TRABD2B: variants seen among roughly 807,000 people sequenced by gnomAD.
The protein encoded by TRABD2B is TraB domain containing 2B.
TRABD2B carries 14 observed loss-of-function variants against 40.1 expected under a neutral mutation model. The observed-to-expected ratio is 0.35, with a 90% CI of 0.23 to 0.55. The LOEUF is 0.55. TRABD2B is among the 20% of genes least tolerant of loss of function. TRABD2B has a pLI of 0.90. For synonymous variants in TRABD2B, 263 were observed against 277.0 expected, an observed-to-expected ratio of 0.95 and a Z score of 0.50; for missense variants, 541 against 648.6, an observed-to-expected ratio of 0.83 and a Z score of 1.80.
chr1:47,814,998 C>A (rs1645012020), intron 2 of TRABD2B, among the ~76,000 whole-genome samples: 1 of 152,282 alleles, frequency 6.6e-6, no homozygotes, highest in South Asian at 2.1e-4. Context: ...AGAGAGAACA[C>A]TGAGCCCCAG....
chr1:47,938,995 G>A (rs1434210270), intron 2 of TRABD2B, among the ~76,000 whole-genome samples: 1 of 152,044 alleles, frequency 6.6e-6, no homozygotes, highest in Non-Finnish European at 1.5e-5. Flanking sequence ...TGAATTAGGA[G>A]GAAGAAACAG....
chr1:47,988,833 T>C (rs1390379040), intron 2 of TRABD2B, among the ~76,000 whole-genome samples: 2 of 152,164 alleles, frequency 1.3e-5, no homozygotes, highest in Non-Finnish European at 2.9e-5. Context: ...TGGCCCAAAG[T>C]CACAGGCAAG....
chr1:47,799,629 C>T (rs1175447958), intron 3 of TRABD2B, among the ~76,000 whole-genome samples: 1 of 152,126 alleles, frequency 6.6e-6, no homozygotes, highest in Non-Finnish European at 1.5e-5. Context: ...AGCTCCTGGT[C>T]GTGTGGGGGC....
chr1:47,793,001 C>T (rs1256923279), intron 4 of TRABD2B, among the ~76,000 whole-genome samples: 1 of 151,970 alleles, frequency 6.6e-6, no homozygotes, highest in African/African-American at 2.4e-5. Context: ...GGGACTCTTC[C>T]CTGCACAGTC....
intron 2 of TRABD2B, among the ~76,000 whole-genome samples, chr1:47,872,297 G>A (rs576468800): frequency 6.6e-6 from 1 of 152,284 alleles, no homozygotes; most frequent in East Asian, 1.9e-4. Flanking sequence ...TTGCAAGTCT[G>A]GCTGTTGTGG....
At chr1:47,806,222 C>G (rs972553003) in intron 2 of TRABD2B, among the ~76,000 whole-genome samples, 4 of 152,224 alleles carry the variant, frequency 2.6e-5, no homozygotes, top group African/African-American at 9.6e-5. Flanking sequence ...CTCCTCTCTG[C>G]AGGGATTTGA....
At chr1:47,908,354 G>GA (rs1396487445) in intron 2 of TRABD2B, among the ~76,000 whole-genome samples, 11 of 151,980 alleles carry the variant, frequency 7.2e-5, no homozygotes, top group African/African-American at 1.7e-4. Context: ...CATAAAAAGA[G>GA]AAAAAAAGAG....
At position 47,933,391 on chromosome 1, in the gene TRABD2B, C is replaced by T. The variant is rs541454090; in HGVS notation, c.666+60643G>A. 3.9e-5 allele frequency among the ~76,000 whole-genome samples: 6 copies of T among 152,190 alleles called. No homozygotes were observed. The South Asian group carries it at 8.3e-4, about 21-fold the overall frequency. ...CCTCCCAAAGTGCTGGGATTACAGG[C>T]GGGAGCTACCACACCCAACCTCTCC... On this transcript the variant is annotated intron_variant, in intron 2 of 6. Transcript: ENST00000606738.
At chr1:47,782,711 G>A (rs897037141) in intron 4 of TRABD2B, among the ~76,000 whole-genome samples, 3 of 152,176 alleles carry the variant, frequency 2.0e-5, no homozygotes, top group African/African-American at 4.8e-5. Context: ...GGACCAGCCC[G>A]AGTCAGGGCC....
intron 2 of TRABD2B, among the ~76,000 whole-genome samples, chr1:47,853,543 A>C (rs573179523): frequency 6.6e-6 from 1 of 152,190 alleles, no homozygotes; most frequent in Non-Finnish European, 1.5e-5. Flanking sequence ...GAACCAGGAA[A>C]GTCACGCAGG....
intron 6 of TRABD2B, 140 bp downstream of exon 6, chr1:47,775,030 G>A (rs1243709383): frequency 1.9e-5 from 13 of 701,982 alleles, no homozygotes; most frequent in East Asian, 1.0e-4. Context: ...AGATGGGAAC[G>A]TGCTGTAGAA....
chr1:47,989,178 TA>T (rs1276101244), intron 2 of TRABD2B, among the ~76,000 whole-genome samples: 1 of 152,210 alleles, frequency 6.6e-6, no homozygotes, highest in African/African-American at 2.4e-5. Flanking sequence ...CTGTGAGCCA[TA>T]ATTTCTGTTG....
chr1:47,953,342 C>T lies in TRABD2B; in HGVS notation c.666+40692G>A, dbSNP rs191058556. Among the ~76,000 whole-genome samples, 302 of 152,300 alleles carry T rather than the reference C, an allele frequency of 2.0e-3. 2 individuals are homozygous for T. Among genetic ancestry groups the T allele is most frequent in the Non-Finnish European group, 3.7e-3 (255 of 68,024 alleles). ...ATTTCTTCCTTAGAGCTTGGAGAGA[C>T]GCACTTTCACAGCTTTTCATGACAT... On this transcript the variant is annotated intron_variant, in intron 2 of 6. Transcript: ENST00000606738.
At chr1:47,835,069 A>C (rs1157381766) in intron 2 of TRABD2B, among the ~76,000 whole-genome samples, 1 of 152,198 alleles carries the variant, frequency 6.6e-6, no homozygotes, top group Non-Finnish European at 1.5e-5. Flanking sequence ...TCACATATAG[A>C]ATAGTAATAA....
At chr1:47,964,233 T>G (rs955699923) in intron 2 of TRABD2B, among the ~76,000 whole-genome samples, 3 of 152,182 alleles carry the variant, frequency 2.0e-5, no homozygotes, top group African/African-American at 7.2e-5. Flanking sequence ...CATTACACAC[T>G]GAATTCACTA....
At chr1:47,924,095 G>A (rs1644940474) in intron 2 of TRABD2B, among the ~76,000 whole-genome samples, 1 of 152,028 alleles carries the variant, frequency 6.6e-6, no homozygotes, top group Admixed American at 6.6e-5. Flanking sequence ...TAGAGCCTTG[G>A]GTCTGCATCT....
chr1:47,925,577 T>G (rs1419426207), intron 2 of TRABD2B, among the ~76,000 whole-genome samples: 1 of 152,238 alleles, frequency 6.6e-6, no homozygotes, highest in Non-Finnish European at 1.5e-5. Context: ...GTGAGGTAGT[T>G]TCTATTATCT....
intron 3 of TRABD2B, 105 bp downstream of exon 3, chr1:47,801,368 C>G: frequency 8.0e-7 from 1 of 1,243,466 alleles, no homozygotes; most frequent in Non-Finnish European, 1.1e-6. Flanking sequence ...AGGGGAATAA[C>G]GATAGCTCCT....
intron 2 of TRABD2B, among the ~76,000 whole-genome samples, chr1:47,828,227 C>T (rs1645202143): frequency 6.6e-6 from 1 of 152,154 alleles, no homozygotes; most frequent in Non-Finnish European, 1.5e-5. Context: ...TGTGGTCCCA[C>T]CCCCATGGGC....
Sources: allele counts gnomAD v4.1 joint callset (sites outside exome capture counted in the v4.1 genomes callset), GRCh38; gene constraint gnomAD v4.1.1; transcripts MANE v1.5; gene names NCBI Gene and HGNC (gene_info 2026-07-23, HGNC 2026-07-21).